Variants in CUBN observed in about 807,000 individuals in gnomAD.
CUBN encodes 460 kDa receptor.
In CUBN, 282 loss-of-function variants were observed where a neutral mutation model predicts 405.3. The ratio of observed to expected loss-of-function variants is 0.70; its 90% CI spans 0.63 to 0.77. The LOEUF (loss-of-function observed/expected upper bound fraction) is 0.77. Among genes scored for constraint, CUBN ranks in the 30% least tolerant of loss-of-function variants. The pLI, the probability that CUBN is intolerant of heterozygous loss-of-function variation, is 0.00. For missense variants in CUBN, 4,514 were observed against 4,475.2 expected, an observed-to-expected ratio of 1.01 and a Z score of -0.25; for synonymous variants, 1,684 against 1,617.0, an observed-to-expected ratio of 1.04 and a Z score of -0.99.
At chr10:16,919,776 T>C (rs1564424078) in intron 44 of CUBN, among the ~76,000 whole-genome samples, 187 bp downstream of exon 44, 1 of 152,178 alleles carries the variant, frequency 6.6e-6, no homozygotes, top group African/African-American at 2.4e-5. Flanking sequence ...TCCACGTACA[T>C]AACCGGCTCA....
chr10:16,932,471 T>G (rs1297055618), intron 40 of CUBN, among the ~76,000 whole-genome samples: 1 of 151,522 alleles, frequency 6.6e-6, no homozygotes, highest in East Asian at 1.9e-4. Flanking sequence ...TAACTTTATG[T>G]CACATAGCAA....
At chr10:17,113,448 T>C (rs761463208) in intron 8 of CUBN, among the ~76,000 whole-genome samples, 27 of 151,896 alleles carry the variant, frequency 1.8e-4, no homozygotes, top group Non-Finnish European at 4.0e-4. Flanking sequence ...GTGTGGAATA[T>C]ATGATGACTA....
intron 37 of CUBN, among the ~76,000 whole-genome samples, chr10:16,939,680 G>A (rs1232372772): frequency 2.0e-5 from 3 of 152,100 alleles, no homozygotes; most frequent in African/African-American, 4.8e-5. Context: ...TGTGAAGAAC[G>A]TAGAGTTTAT....
At chr10:16,984,412 T>G (rs1833363369) in intron 29 of CUBN, 133 bp from the exon 30 acceptor site, 1 of 884,934 alleles carries the variant, frequency 1.1e-6, no homozygotes, top group African/African-American at 1.7e-5. Context: ...CCTCCCTGGG[T>G]GGGGATGCAC....
rs1460961178 is a variant in CUBN, at chr10:16,823,978, C to CA, written c.*996dup. 1 of 152,152 alleles carries CA rather than the reference C, an allele frequency of 6.6e-6. No individual in the cohort carries two copies. The highest frequency in any genetic ancestry group is 2.4e-5 in the African/African-American group (1 of 41,424). The allele number at this position is 152,152 out of a possible 1,614,324, so 9.4% of individuals were successfully genotyped here. Reference sequence around the variant, plus strand: ...TAATGCAGCATAATTGTGTACAATTCAATAATGTTTATTATGTGTAATTGA... The same window carrying CA: ...TAATGCAGCATAATTGTGTACAATTCAAATAATGTTTATTATGTGTAATTGA... On this transcript the variant is annotated 3_prime_UTR_variant, in exon 67 of 67. Transcript: ENST00000377833.
At chr10:16,960,760 T>C (rs7895600) in intron 31 of CUBN, among the ~76,000 whole-genome samples, 105,069 of 151,996 alleles carry the variant, frequency 0.69, 36,893 homozygotes, top group African/African-American at 0.83. Flanking sequence ...GGGTAAGAGG[T>C]TAGTCACAGG....
chr10:16,950,148 T>A, intron 33 of CUBN, 37 bp from the exon 34 acceptor site: 1 of 1,483,900 alleles, frequency 6.7e-7, no homozygotes, highest in Non-Finnish European at 9.3e-7. Context: ...CGTAAAGTAC[T>A]GGCAAATAAA....
At chr10:17,016,801 G>A (rs1236438014) in intron 28 of CUBN, among the ~76,000 whole-genome samples, 1 of 152,120 alleles carries the variant, frequency 6.6e-6, no homozygotes, top group Non-Finnish European at 1.5e-5. Flanking sequence ...TAGGATATGG[G>A]GGTAAGCTGA....
intron 60 of CUBN, 130 bp downstream of exon 60, chr10:16,851,105 A>C: frequency 8.3e-6 from 6 of 726,526 alleles, no homozygotes; most frequent in Non-Finnish European, 1.5e-5. Flanking sequence ...CACTGAAGAA[A>C]AGGTCATTTT....
At chr10:16,934,546 A>G (rs1041471032) in intron 39 of CUBN, among the ~76,000 whole-genome samples, 1 of 152,194 alleles carries the variant, frequency 6.6e-6, no homozygotes, top group Admixed American at 6.5e-5. Context: ...GTTTTCCTCT[A>G]TGTGAAATAT....
intron 27 of CUBN, among the ~76,000 whole-genome samples, chr10:17,026,162 A>G (rs964879556): frequency 6.6e-6 from 1 of 152,152 alleles, no homozygotes. Context: ...CCCCACCCCA[A>G]ACAACCACCA....
intron 15 of CUBN, 107 bp from the exon 16 acceptor site, chr10:17,085,866 C>G: frequency 9.3e-7 from 1 of 1,071,246 alleles, no homozygotes. Context: ...AGTGATCGCT[C>G]AAGGAAGTTT....
chr10:17,006,620 C>T (rs1022712772), intron 28 of CUBN, among the ~76,000 whole-genome samples: 2 of 152,152 alleles, frequency 1.3e-5, no homozygotes, highest in African/African-American at 4.8e-5. Flanking sequence ...TTAAGAGAAA[C>T]ACTGCCGACC....
chr10:16,829,107 G>T, intron 65 of CUBN, 67 bp from the exon 66 acceptor site: 3 of 1,152,678 alleles, frequency 2.6e-6, no homozygotes, highest in Non-Finnish European at 3.9e-6. Flanking sequence ...GGCTTGTTAG[G>T]CAATAAGACT....
intron 51 of CUBN, among the ~76,000 whole-genome samples, chr10:16,903,521 G>C (rs542528859): frequency 8.6e-5 from 13 of 151,586 alleles, no homozygotes; most frequent in African/African-American, 2.9e-4. Context: ...AGAATCTATA[G>C]ACAACATATT....
At position 16,953,435 on chromosome 10, in the gene CUBN, T is replaced by C. The variant is rs539994051; in HGVS notation, c.4855+954A>G. The stretch of plus-strand genomic sequence containing the variant: ...CAGAATATAAGCGAGTTGACTAAGA[T>C]AGACATAATGACTACACAGACTAAA... On this transcript the variant is annotated intron_variant, in intron 32 of 66. Coordinates refer to ENST00000377833, the MANE Select transcript of CUBN (RefSeq NM_001081.4). 6.6e-5 allele frequency among the ~76,000 whole-genome samples: 10 copies of C among 152,262 alleles called. No homozygotes were observed. In the South Asian group the frequency reaches 1.5e-3, roughly 22 times the overall value.
intron 29 of CUBN, among the ~76,000 whole-genome samples, chr10:16,985,604 AT>A (rs940650649): frequency 5.3e-5 from 8 of 152,308 alleles, no homozygotes; most frequent in Admixed American, 2.6e-4. Flanking sequence ...TAGCCTGCCC[AT>A]GAGGGCTTTG....
chr10:16,978,435 C>T (rs983476541), intron 31 of CUBN, among the ~76,000 whole-genome samples: 6 of 152,230 alleles, frequency 3.9e-5, no homozygotes, highest in Admixed American at 1.3e-4. Flanking sequence ...ATGTTCTACG[C>T]TTTCAGTCTG....
At chr10:17,003,643 T>C (rs532618596) in intron 28 of CUBN, among the ~76,000 whole-genome samples, 41 of 152,296 alleles carry the variant, frequency 2.7e-4, no homozygotes, top group Non-Finnish European at 5.4e-4. Context: ...GTTATAACTT[T>C]GAAGAAATTA....
Sources: gnomAD v4.1 joint callset for allele counts (sites outside exome capture counted in the v4.1 genomes callset) on GRCh38, gnomAD v4.1.1 for gene constraint, MANE v1.5 for transcripts, NCBI Gene and HGNC (gene_info 2026-07-23, HGNC 2026-07-21) for gene names.